NLRX1: variants seen among roughly 807,000 people sequenced by gnomAD.
The protein encoded by NLRX1 is NLR family member X1, also known as NOD-like receptor X1.
A neutral mutation model predicts 74.2 loss-of-function variants in NLRX1; 67 were observed. That is an observed-to-expected ratio of 0.90 (90% CI 0.74 to 1.11). NLRX1 has a LOEUF of 1.11. Among genes scored for constraint, NLRX1 ranks in the 50% least tolerant of loss-of-function variants. NLRX1 has a pLI of 0.00. For synonymous variants in NLRX1, 506 were observed against 559.1 expected, an observed-to-expected ratio of 0.91 and a Z score of 1.34; for missense variants, 1,191 against 1,305.4, an observed-to-expected ratio of 0.91 and a Z score of 1.35.
In NLRX1 at chr11:119,175,059, C is replaced by T. The variant is rs760146717; in HGVS notation, c.1456C>T (p.Arg486Cys). 6 of 1,614,148 alleles carry T rather than the reference C, an allele frequency of 3.7e-6. No individual in the cohort carries two copies. The highest frequency in any genetic ancestry group is 1.7e-5 in the Admixed American group (1 of 60,032). Reference protein sequence around the residue: ...FFLAPCVEPGRAGTFVFTVPA... With the variant: ...FFLAPCVEPGCAGTFVFTVPA... ...CCTGGCCCCATGTGTGGAGCCAGGG[C>T]GTGCAGGCACCTTCGTGTTCACCGT... is the stretch of plus-strand genomic sequence containing the variant. The change falls in exon 6 of 10, where the codon CGT (arginine) becomes TGT (cysteine). Residue 486 changes from arginine (R) to cysteine (C), a missense_variant. By Grantham distance (180) the Arg-to-Cys change is radical (BLOSUM62 -3). Transcript: ENST00000409109.
rs1256925027 is a variant in NLRX1 at position 119,174,360 on chromosome 11, CCTTGGACACTCCGT to C, written c.850-89_850-76del. 6.1e-6 allele frequency: 8 copies of C among 1,312,752 alleles called. No homozygotes were observed. In the East Asian group the frequency reaches 1.4e-4, roughly 23 times the overall value. 81.3% of individuals were successfully genotyped at this position (1,312,752 alleles called of 1,614,324 possible). ...CTGTTATCCTCATCAATGTCTTCAT[CCTTGGACACTCCGT>C]CTTCAGGGGTCCCCTGGGAATAGAA... is the stretch of plus-strand genomic sequence containing the variant. On this transcript the variant is annotated intron_variant, in intron 5 of 9. Transcript: ENST00000409109.
chr11:119,175,555 T>A (rs1283301302), intron 6 of NLRX1, among the ~76,000 whole-genome samples: 2 of 152,176 alleles, frequency 1.3e-5, no homozygotes, highest in Non-Finnish European at 2.9e-5. Context: ...TAATGCTACA[T>A]GGATTCCTAA....
rs148037206 is a variant in NLRX1 at position 119,182,168 on chromosome 11, C to T, written c.2429C>T (p.Thr810Met). 5.9e-5 allele frequency: 95 copies of T among 1,614,018 alleles called. No homozygotes were observed. The highest frequency in any genetic ancestry group is 5.5e-4 in the African/African-American group (41 of 74,946). ...MEGLAGNTSVTHLSLLHTGLG... is the reference protein window; with the variant it reads ...MEGLAGNTSVMHLSLLHTGLG... ...GGGCTGGCAGGAAACACCTCAGTGA[C>T]GCACCTGTCCCTGCTGCACACGGGC... Residue 810 changes from threonine (T) to methionine (M), a missense_variant, in exon 9 of 10, where the codon ACG becomes ATG. Transcript: ENST00000409109.
At chr11:119,179,661 G>GCCGAACAGGCACATGGAAGT in intron 6 of NLRX1, 32 bp from the exon 7 acceptor site, 1 of 1,557,830 alleles carries the variant, frequency 6.4e-7, no homozygotes, top group Non-Finnish European at 8.7e-7. Context: ...CACATGGAAG[G>GCCGAACAGGCACATGGAAGT]CCACAGTGAC....
Position 119,183,015 on chromosome 11 carries a change from C to T in NLRX1, c.2607-103C>T. The T allele has an allele frequency of 9.6e-7, 1 of 1,046,980 alleles. No homozygotes were observed. Among genetic ancestry groups the T allele is most frequent in the Non-Finnish European group, 1.4e-6 (1 of 719,410 alleles). 64.9% of individuals were successfully genotyped at this position (1,046,980 alleles called of 1,614,324 possible). On this transcript the variant is annotated intron_variant, in intron 9 of 9. Transcript: ENST00000409109. The surrounding 1 kb of genome is among the most constrained non-coding windows in gnomAD (Gnocchi z 5.7). ...GCAGTTACCTGATCGCACTCTGCAG[C>T]CAGGAGATGAGTTGTGAGGCCCCCT...
In NLRX1 at chr11:119,175,288, C is replaced by G. The variant is rs753965242; in HGVS notation, c.1671+14C>G. On this transcript the variant is annotated intron_variant, in intron 6 of 9. Coordinates refer to ENST00000409109, the MANE Select transcript of NLRX1 (RefSeq NM_001282144.2). ...AACCTGATCAAGGTAACATCCCGAT[C>G]AAGGTAACCCCCCAACCTGCTCCTT... 6.2e-7 allele frequency: 1 copy of G among 1,602,154 alleles called. No homozygotes were observed. Among genetic ancestry groups the G allele is most frequent in the South Asian group, 1.1e-5 (1 of 89,950 alleles).
chr11:119,173,679 C>T lies in NLRX1; in HGVS notation c.430C>T (p.Leu144=). 6.2e-7 allele frequency: 1 copy of T among 1,614,130 alleles called. No homozygotes were observed. The highest frequency in any genetic ancestry group is 8.5e-7 in the Non-Finnish European group (1 of 1,180,024). Residue 144 remains leucine (L), a synonymous_variant, in exon 5 of 10, where the codon CTG becomes TTG. Coordinates refer to ENST00000409109, the MANE Select transcript of NLRX1 (RefSeq NM_001282144.2). This position sits in a 1 kb window ranked among gnomAD's most constrained non-coding sequence, Gnocchi z 4.0. The stretch of plus-strand genomic sequence containing the variant: ...GCCACCCCAGGCCGGGCTCCCCCCA[C>T]TGGCCTTGTCTCAGCTCTTTAACCC... ...HQPPQAGLPP[L]ALSQLFNPDA...
At position 119,173,761 on chromosome 11, in the gene NLRX1, G is replaced by C. The variant is rs767831112; in HGVS notation, c.512G>C (p.Gly171Ala). ...GTGCTGTATGGGACAGTGGGCACAG[G>C]CAAGAGCACGCTGGTGCGCAAGATG... is the stretch of plus-strand genomic sequence containing the variant. ...TVVLYGTVGTGKSTLVRKMVL... is the reference protein window; with the variant it reads ...TVVLYGTVGTAKSTLVRKMVL... The change falls in exon 5 of 10, where the codon GGC becomes GCC. Residue 171 changes from glycine (G) to alanine (A), a missense_variant. By Grantham distance (60) the Gly-to-Ala change is moderately conservative. Transcript: ENST00000409109. The surrounding 1 kb of genome is among the most constrained non-coding windows in gnomAD (Gnocchi z 4.0). 2 of 1,613,596 alleles carry C rather than the reference G, an allele frequency of 1.2e-6. No homozygotes were observed. The highest frequency in any genetic ancestry group is 3.3e-5 in the Admixed American group (2 of 60,026).
intron 6 of NLRX1, among the ~76,000 whole-genome samples, chr11:119,175,634 C>T (rs1362234584): frequency 6.6e-6 from 1 of 152,242 alleles, no homozygotes; most frequent in African/African-American, 2.4e-5. Flanking sequence ...GGTCCAGAAA[C>T]TCGATTGTGT....
rs1213688618 is a variant in NLRX1 at position 119,173,915 on chromosome 11, C to T, written c.666C>T (p.Pro222=). ...LCQLVAQRYT[P]LKEVLPLMAA... ...AACTTGTGGCCCAGCGCTACACGCC[C>T]CTGAAGGAGGTTCTGCCCCTGATGG... Residue 222 remains proline, a synonymous_variant, in exon 5 of 10, where the codon CCC becomes CCT. Coordinates refer to ENST00000409109, the MANE Select transcript of NLRX1 (RefSeq NM_001282144.2). This position sits in a 1 kb window ranked among gnomAD's most constrained non-coding sequence, Gnocchi z 4.0. 2 of 1,613,720 alleles carry T rather than the reference C, an allele frequency of 1.2e-6. No individual in the cohort carries two copies. Among genetic ancestry groups the T allele is most frequent in the Admixed American group, 1.7e-5 (1 of 60,032 alleles).
At position 119,174,702 on chromosome 11, in the gene NLRX1, G is replaced by C. The variant is rs2135167895; in HGVS notation, c.1099G>C (p.Ala367Pro). 1 of 1,613,962 alleles carries C rather than the reference G, an allele frequency of 6.2e-7. No individual in the cohort carries two copies. Among genetic ancestry groups the C allele is most frequent in the South Asian group, 1.1e-5 (1 of 91,086 alleles). The change falls in exon 6 of 10, where the codon GCC becomes CCC. Residue 367 changes from alanine to proline, a missense_variant. Ala to Pro is a conservative substitution (Grantham distance 27, BLOSUM62 -1). Transcript: ENST00000409109. ...GGAGGGGCACCACCAGATAGCCGCTGCCTGCTTCCTGCCGTCCTATTGCTG... is the reference window on the plus strand; with the variant it reads ...GGAGGGGCACCACCAGATAGCCGCTCCCTGCTTCCTGCCGTCCTATTGCTG... ...NLEGHHQIAAACFLPSYCWLV... is the reference protein window; with the variant it reads ...NLEGHHQIAAPCFLPSYCWLV...
chr11:119,174,287 G>C (rs1290507011), intron 5 of NLRX1, among the ~76,000 whole-genome samples, 166 bp from the exon 6 acceptor site: 1 of 152,190 alleles, frequency 6.6e-6, no homozygotes, highest in Non-Finnish European at 1.5e-5. Context: ...TATAATATTA[G>C]CACAGCGGCC....
In NLRX1 at chr11:119,183,777, G is replaced by C. The variant is rs1301150174; in HGVS notation, c.*338G>C. Reference sequence around the variant, plus strand: ...CTCCCCCTCCTCTCAAAGAGCCTCTGACTGTGTCACCAAGGGGCTCACATC... The same window carrying C: ...CTCCCCCTCCTCTCAAAGAGCCTCTCACTGTGTCACCAAGGGGCTCACATC... On this transcript the variant is annotated 3_prime_UTR_variant, in exon 10 of 10. Coordinates refer to ENST00000409109, the MANE Select transcript of NLRX1 (RefSeq NM_001282144.2). This position sits in a 1 kb window ranked among gnomAD's most constrained non-coding sequence, Gnocchi z 5.7. 1.2e-5 allele frequency: 9 copies of C among 780,422 alleles called. No individual in the cohort carries two copies. The highest frequency in any genetic ancestry group is 2.2e-5 in the Non-Finnish European group (9 of 417,972). The allele number at this position is 780,422 out of a possible 1,614,324, so 48.3% of individuals were successfully genotyped here.
intron 6 of NLRX1, among the ~76,000 whole-genome samples, chr11:119,176,209 C>T (rs1444791165): frequency 6.6e-6 from 1 of 152,152 alleles, no homozygotes; most frequent in East Asian, 1.9e-4. Flanking sequence ...CTGGTTAGTG[C>T]TGGCAGAATT....
At chr11:119,171,522 G>C in intron 2 of NLRX1, 49 bp downstream of exon 2, 1 of 1,395,668 alleles carries the variant, frequency 7.2e-7, no homozygotes. Flanking sequence ...TTGCTTTCCA[G>C]GGTCCACATG....
rs748113192 is a variant in NLRX1 at position 119,173,492 on chromosome 11, G to C, written c.243G>C (p.Arg81=). The C allele has an allele frequency of 1.2e-6, 2 of 1,613,352 alleles. No individual in the cohort carries two copies. Among genetic ancestry groups the C allele is most frequent in the East Asian group, 4.5e-5 (2 of 44,878 alleles). ...PSASATEAIQ[R]HRRNLAEWFS... is the part of the protein sequence containing the mutation. ...CTTCCCACTCAGAAGCTATACAGCGGCACCGCCGGAACCTGGCTGAGTGGT... is the reference window on the plus strand; with the variant it reads ...CTTCCCACTCAGAAGCTATACAGCGCCACCGCCGGAACCTGGCTGAGTGGT... The change falls in exon 5 of 10, where the codon CGG becomes CGC. Residue 81 remains arginine, a synonymous_variant. Coordinates refer to ENST00000409109, the MANE Select transcript of NLRX1 (RefSeq NM_001282144.2). This position sits in a 1 kb window ranked among gnomAD's most constrained non-coding sequence, Gnocchi z 4.0.
intron 8 of NLRX1, 74 bp from the exon 9 acceptor site, chr11:119,182,020 C>A (rs1948849833): frequency 1.3e-6 from 2 of 1,562,558 alleles, no homozygotes; most frequent in Non-Finnish European, 8.7e-7. Context: ...ATTAAGGCTG[C>A]CAGTACCACC....
In NLRX1 at chr11:119,182,315, C is replaced by T. The variant is rs958368853; in HGVS notation, c.2576C>T (p.Ala859Val). 18 of 1,613,012 alleles carry T rather than the reference C, an allele frequency of 1.1e-5. No individual in the cohort carries two copies. The highest frequency in any genetic ancestry group is 1.5e-5 in the Non-Finnish European group (18 of 1,179,898). ...DTAALALARA[A>V]REHPSLELLH... is the part of the protein sequence containing the mutation. ...GCGGCCCTGGCCCTGGCCAGAGCTG[C>T]CCGGGAGCACCCTTCCCTGGAACTG... The change falls in exon 9 of 10, where the codon GCC (alanine) becomes GTC (valine). Residue 859 changes from alanine to valine, a missense_variant. By Grantham distance (64) the Ala-to-Val change is moderately conservative. Transcript: ENST00000409109.
chr11:119,182,194 C>T lies in NLRX1; in HGVS notation c.2455C>T (p.Leu819Phe), dbSNP rs758838340. The T allele has an allele frequency of 6.2e-7, 1 of 1,614,012 alleles. No individual in the cohort carries two copies. Among genetic ancestry groups the T allele is most frequent in the Non-Finnish European group, 8.5e-7 (1 of 1,180,046 alleles). Residue 819 changes from leucine to phenylalanine, a missense_variant, in exon 9 of 10, where the codon CTT becomes TTT. Leu to Phe is a conservative substitution (Grantham distance 22). Coordinates refer to ENST00000409109, the MANE Select transcript of NLRX1 (RefSeq NM_001282144.2). ...VTHLSLLHTG[L>F]GDEGLELLAA... ...GCACCTGTCCCTGCTGCACACGGGC[C>T]TTGGGGACGAAGGCCTGGAGCTGCT...
Sources: allele counts gnomAD v4.1 joint callset (sites outside exome capture counted in the v4.1 genomes callset), GRCh38; gene constraint gnomAD v4.1.1; non-coding constraint Gnocchi (gnomAD v3.1); transcripts MANE v1.5; gene names NCBI Gene and HGNC (gene_info 2026-07-23, HGNC 2026-07-21).